The following SFTPA2 variants were observed in gnomAD, a reference collection of about 807,000 sequenced individuals.
The protein encoded by SFTPA2 is surfactant protein A2, also known as pulmonary surfactant-associated protein A2.
In SFTPA2, 21 loss-of-function variants were observed where a neutral mutation model predicts 20.3. The ratio of observed to expected loss-of-function variants is 1.03; its 90% CI spans 0.73 to 1.49. The LOEUF is 1.49. Among genes scored for constraint, SFTPA2 ranks in the 40% most tolerant of loss-of-function variants. The pLI is 0.00. For missense variants in SFTPA2, 302 were observed against 314.8 expected (o/e 0.96, Z 0.31); for synonymous variants, 116 against 118.7 (o/e 0.98, Z 0.15).
chr10:79,559,995 C>T lies in SFTPA2; in HGVS notation c.-50G>A, dbSNP rs1859097961. 8 of 1,186,372 alleles carry T rather than the reference C, an allele frequency of 6.7e-6. No individual in the cohort carries two copies. The highest frequency in any genetic ancestry group is 1.6e-5 in the African/African-American group (1 of 63,992). 73.5% of individuals were successfully genotyped at this position (1,186,372 alleles called of 1,614,324 possible). Reference sequence around the variant, plus strand: ...TTCTTTTCAGGCTCCAAGAAATCAGCGACCTGAGAATGAAAAGAGATGAAT... The same window carrying T: ...TTCTTTTCAGGCTCCAAGAAATCAGTGACCTGAGAATGAAAAGAGATGAAT... On this transcript the variant is annotated 5_prime_UTR_variant, in exon 2 of 6. Coordinates refer to ENST00000372325, the MANE Select transcript of SFTPA2 (RefSeq NM_001098668.4).
In SFTPA2 at chr10:79,558,052, C is replaced by T. The variant is rs753110571; in HGVS notation, c.370G>A (p.Ala124Thr). Residue 124 changes from alanine to threonine, a missense_variant and splice_region_variant, in exon 5 of 6, where the codon GCC becomes ACC. By Grantham distance (58) the Ala-to-Thr change is moderately conservative. Coordinates refer to ENST00000372325, the MANE Select transcript of SFTPA2 (RefSeq NM_001098668.4). ...FRHQILQTRG[A>T]LSLQGSIMTV... is the part of the protein sequence containing the mutation. Reference sequence around the variant, plus strand: ...CGTGAGGCCCAGGGGGTCCCCTTACCTCCCCTTGTCTGCAGGATTTGATGT... The same window carrying T: ...CGTGAGGCCCAGGGGGTCCCCTTACTTCCCCTTGTCTGCAGGATTTGATGT... 2 of 1,614,094 alleles carry T rather than the reference C, an allele frequency of 1.2e-6. No individual in the cohort carries two copies. Among genetic ancestry groups the T allele is most frequent in the Admixed American group, 1.7e-5 (1 of 60,022 alleles).
rs769344999 is a variant in SFTPA2 at position 79,557,479 on chromosome 10, G to A, written c.477C>T (p.Gly159=). Residue 159 remains glycine, a synonymous_variant, in exon 6 of 6, where the codon GGC becomes GGT. Coordinates refer to ENST00000372325, the MANE Select transcript of SFTPA2 (RefSeq NM_001098668.4). ...GATTCCTTGGGACAGCAATGCGGCC[G>A]CCTGCTCTGGCACATGCCTCCTGAA... ...DAIQEACARA[G]GRIAVPRNPE... is the part of the protein sequence containing the mutation. 5.0e-5 allele frequency: 81 copies of A among 1,613,482 alleles called. No individual in the cohort carries two copies. The Admixed American group carries it at 1.1e-3, about 22-fold the overall frequency.
chr10:79,557,438 G>T lies in SFTPA2; in HGVS notation c.518C>A (p.Ala173Asp), dbSNP rs754943867. ...GTACTTCTTCACGAAGCTTGCAATG[G>T]CCTCATTTTCCTCTGGATTCCTTGG... The part of the protein sequence containing the change: ...AVPRNPEENE[A>D]IASFVKKYNT... Residue 173 changes from alanine to aspartate, a missense_variant, in exon 6 of 6, where the codon GCC becomes GAC. Physicochemically the swap from Ala to Asp is moderately radical, Grantham distance 126 (BLOSUM62 -2). This residue lies in a region of SFTPA2 where 264 missense variants were observed against 261.7 expected (regional missense o/e 1.01). Coordinates refer to ENST00000372325, the MANE Select transcript of SFTPA2 (RefSeq NM_001098668.4). The T allele has an allele frequency of 6.2e-7, 1 of 1,613,828 alleles. No individual in the cohort carries two copies. The highest frequency in any genetic ancestry group is 1.7e-5 in the Admixed American group (1 of 60,008).
chr10:79,558,666 A>G (rs1192861352), intron 4 of SFTPA2, among the ~76,000 whole-genome samples: 1 of 152,120 alleles, frequency 6.6e-6, no homozygotes, highest in Non-Finnish European at 1.5e-5. Flanking sequence ...ATCAGCGGTC[A>G]TGAGGCACGG....
In SFTPA2 at chr10:79,558,940, CA is replaced by C; in HGVS notation, c.237del (p.Gly80ValfsTer24). The C allele has an allele frequency of 6.2e-7, 1 of 1,614,126 alleles. No individual in the cohort carries two copies. The highest frequency in any genetic ancestry group is 8.5e-7 in the Non-Finnish European group (1 of 1,180,026). ...TTCTCTCCACGCTCTCCAGGGACAC[CA>C]GGGGCTCCAGGCAGCCCATTATTCC... Reference protein sequence around the residue: ...PPGNNGLPGAPGVPGERGEKG... With the variant: ...PPGNNGLPGAXGVPGERGEKG... On this transcript the variant is annotated frameshift_variant, in exon 4 of 6. Transcript: ENST00000372325. LOFTEE classifies it high-confidence loss of function.
intron 4 of SFTPA2, among the ~76,000 whole-genome samples, 154 bp downstream of exon 4, chr10:79,558,732 G>A (rs71479686): frequency 0.019 from 2,854 of 152,070 alleles, 38 homozygotes; most frequent in African/African-American, 0.032. Flanking sequence ...CAGACACCTC[G>A]GCTTTCTCCC....
At position 79,559,156 on chromosome 10, in the gene SFTPA2, G is replaced by A. The variant is rs1019763821; in HGVS notation, c.173-151C>T. ...ACTCTCCAGGATGCGCCATCATAAG[G>A]GCCCCAGGAACCCACCACCCCTGCA... On this transcript the variant is annotated intron_variant, in intron 3 of 5. Coordinates refer to ENST00000372325, the MANE Select transcript of SFTPA2 (RefSeq NM_001098668.4). The A allele has an allele frequency of 4.2e-5, 64 of 1,529,084 alleles. 2 individuals carry two copies. The South Asian group carries it at 7.3e-4, about 18-fold the overall frequency. The allele number at this position is 1,529,084 out of a possible 1,614,324, so 94.7% of individuals were successfully genotyped here. A position where few individuals can be genotyped will look rare whatever the true frequency, so the allele number is the denominator to read the frequency against.
Position 79,556,685 on chromosome 10 carries a change from G to C in SFTPA2, c.*524C>G, listed in dbSNP as rs143141797. ...CCAGGCCTGCCACAGAGACCTCAGAGTGCCAGAGAATCTCCACTGTGTCCT... is the reference window on the plus strand; with the variant it reads ...CCAGGCCTGCCACAGAGACCTCAGACTGCCAGAGAATCTCCACTGTGTCCT... On this transcript the variant is annotated 3_prime_UTR_variant, in exon 6 of 6. Transcript: ENST00000372325. 43 of 174,528 alleles carry C rather than the reference G, an allele frequency of 2.5e-4. No individual in the cohort carries two copies. In the East Asian group the frequency reaches 5.9e-3, roughly 24 times the overall value. The allele number at this position is 174,528 out of a possible 1,614,324, so 10.8% of individuals were successfully genotyped here.
chr10:79,557,558 G>C lies in SFTPA2; in HGVS notation c.398C>G (p.Thr133Arg), dbSNP rs1233994076. 6.2e-7 allele frequency: 1 copy of C among 1,611,800 alleles called. No individual in the cohort carries two copies. Among genetic ancestry groups the C allele is most frequent in the African/African-American group, 1.3e-5 (1 of 74,786 alleles). Reference protein sequence around the residue: ...GALSLQGSIMTVGEKVFSSNG... With the variant: ...GALSLQGSIMRVGEKVFSSNG... ...GCTGGAGAAGACCTTCTCTCCTACT[G>C]TCATTATGGAGCCCTGCAGACTGAG... The change falls in exon 6 of 6, where the codon ACA becomes AGA. Residue 133 changes from threonine (T) to arginine (R), a missense_variant. By Grantham distance (71) the Thr-to-Arg change is moderately conservative. This residue lies in a region of SFTPA2 where 264 missense variants were observed against 261.7 expected (regional missense o/e 1.01). Coordinates refer to ENST00000372325, the MANE Select transcript of SFTPA2 (RefSeq NM_001098668.4).
chr10:79,558,258 C>G, intron 4 of SFTPA2, 129 bp from the exon 5 acceptor site: 1 of 1,583,912 alleles, frequency 6.3e-7, no homozygotes, highest in Non-Finnish European at 8.6e-7. Flanking sequence ...CCACCCAGAC[C>G]CTAGGCTCAG....
In SFTPA2 at chr10:79,558,945, G is replaced by A; in HGVS notation, c.233C>T (p.Ala78Val). 6.2e-7 allele frequency: 1 copy of A among 1,614,118 alleles called. No individual in the cohort carries two copies. The highest frequency in any genetic ancestry group is 8.5e-7 in the Non-Finnish European group (1 of 1,180,028). ...TCCACGCTCTCCAGGGACACCAGGG[G>A]CTCCAGGCAGCCCATTATTCCCAGG... Reference protein sequence around the residue: ...CPPGNNGLPGAPGVPGERGEK... With the variant: ...CPPGNNGLPGVPGVPGERGEK... The change falls in exon 4 of 6, where the codon GCC becomes GTC. Residue 78 changes from alanine (A) to valine (V), a missense_variant. Transcript: ENST00000372325.
Position 79,557,007 on chromosome 10 carries a change from G to C in SFTPA2, c.*202C>G. On this transcript the variant is annotated 3_prime_UTR_variant, in exon 6 of 6. Transcript: ENST00000372325. ...TGCAGTGCTGGGATGGTTTGCAAGG[G>C]GAGTGTCAAGGCTGGTCAGTGATTA... is the stretch of plus-strand genomic sequence containing the variant. The C allele has an allele frequency of 1.1e-6, 1 of 913,842 alleles. No homozygotes were observed. Among genetic ancestry groups the C allele is most frequent in the South Asian group, 1.7e-5 (1 of 59,446 alleles). 56.6% of individuals were successfully genotyped at this position (913,842 alleles called of 1,614,324 possible).
In SFTPA2 at chr10:79,557,297, C is replaced by T. The variant is rs1185902931; in HGVS notation, c.659G>A (p.Gly220Glu). 1 of 1,614,174 alleles carries T rather than the reference C, an allele frequency of 6.2e-7. No homozygotes were observed. Among genetic ancestry groups the T allele is most frequent in the East Asian group, 2.2e-5 (1 of 44,886 alleles). ...NWYRGEPAGR[G>E]KEQCVEMYTD... ...GTACATCTCCACACACTGCTCTTTTCCCCGACCTGCAGGCTCCCCTCGGTA... is the reference window on the plus strand; with the variant it reads ...GTACATCTCCACACACTGCTCTTTTTCCCGACCTGCAGGCTCCCCTCGGTA... The change falls in exon 6 of 6, where the codon GGA becomes GAA. Residue 220 changes from glycine (G) to glutamate (E), a missense_variant. Coordinates refer to ENST00000372325, the MANE Select transcript of SFTPA2 (RefSeq NM_001098668.4).
chr10:79,559,315 G>C lies in SFTPA2; in HGVS notation c.169C>G (p.Pro57Ala), dbSNP rs1472085730. The C allele has an allele frequency of 6.2e-7, 1 of 1,613,816 alleles. No individual in the cohort carries two copies. Among genetic ancestry groups the C allele is most frequent in the Admixed American group, 1.7e-5 (1 of 60,000 alleles). Residue 57 changes from proline to alanine, a missense_variant, in exon 3 of 6, where the codon CCA (proline) becomes GCA (alanine). Physicochemically the swap from Pro to Ala is conservative, Grantham distance 27. This residue lies in a region of SFTPA2 where 264 missense variants were observed against 261.7 expected (regional missense o/e 1.01). Coordinates refer to ENST00000372325, the MANE Select transcript of SFTPA2 (RefSeq NM_001098668.4). ...GGTGGGGTCTGCAGCACAGTACCTG[G>C]AGGGCCAGGGTCTCCTTTGACACCA... ...RDGVKGDPGP[P>A]GPMGPPGETP...
Position 79,558,779 on chromosome 10 carries a change from G to T in SFTPA2, c.292+107C>A, listed in dbSNP as rs1858971655. 5.1e-6 allele frequency: 8 copies of T among 1,582,168 alleles called. No individual in the cohort carries two copies. In the Admixed American group the frequency reaches 1.3e-4, roughly 26 times the overall value. ...TTCTCTTACTTAGGTTGAGCCAAAT[G>T]CCCTTGGGGAACCTGCAGGGTTTGT... is the stretch of plus-strand genomic sequence containing the variant. On this transcript the variant is annotated intron_variant, in intron 4 of 5. Transcript: ENST00000372325.
In SFTPA2 at chr10:79,556,786, A is replaced by G. The variant is rs1346868537; in HGVS notation, c.*423T>C. ...TGCTTGGCCGGTACTGCTCATCCTG[A>G]TGGCACTGGGCAGGCAGTGGGCTGC... On this transcript the variant is annotated 3_prime_UTR_variant, in exon 6 of 6. Coordinates refer to ENST00000372325, the MANE Select transcript of SFTPA2 (RefSeq NM_001098668.4). 1.8e-5 allele frequency: 6 copies of G among 324,572 alleles called. No homozygotes were observed. Among genetic ancestry groups the G allele is most frequent in the Non-Finnish European group, 3.4e-5 (6 of 176,768 alleles). 20.1% of individuals were successfully genotyped at this position (324,572 alleles called of 1,614,324 possible).
At position 79,555,903 on chromosome 10, in the gene SFTPA2, T is replaced by C. The variant is rs559885358; in HGVS notation, c.*1306A>G. The C allele has an allele frequency of 6.6e-6, 1 of 152,216 alleles. No individual in the cohort carries two copies. The highest frequency in any genetic ancestry group is 1.5e-5 in the Non-Finnish European group (1 of 68,042). 9.4% of individuals were successfully genotyped at this position (152,216 alleles called of 1,614,324 possible). A position where few individuals can be genotyped will look rare whatever the true frequency, so the allele number is the denominator to read the frequency against. ...CGATTTATTATGCTTAAATCATCTT[T>C]ATTCAGCTCAGGGGTGGGGTGGCTG... On this transcript the variant is annotated 3_prime_UTR_variant, in exon 6 of 6. Coordinates refer to ENST00000372325, the MANE Select transcript of SFTPA2 (RefSeq NM_001098668.4).
intron 4 of SFTPA2, chr10:79,558,338 G>C: frequency 4.4e-6 from 3 of 678,482 alleles, no homozygotes; most frequent in Non-Finnish European, 5.5e-6. Context: ...CCTTGCCCCT[G>C]CTGAGACCCC....
intron 4 of SFTPA2, 123 bp from the exon 5 acceptor site, chr10:79,558,252 C>G: frequency 6.3e-7 from 1 of 1,592,346 alleles, no homozygotes; most frequent in Non-Finnish European, 8.6e-7. Flanking sequence ...TAGGCACCAC[C>G]CAGACCCTAG....
Sources: allele counts gnomAD v4.1 joint callset (sites outside exome capture counted in the v4.1 genomes callset), GRCh38; gene constraint gnomAD v4.1.1; regional missense constraint gnomAD v4.1.1; transcripts MANE v1.5; gene names NCBI Gene and HGNC (gene_info 2026-07-23, HGNC 2026-07-21).